Variants in PROX1 observed in about 807,000 individuals in gnomAD.
PROX1 encodes the protein prospero homeobox 1, also known as prospero homeobox protein 1.
In PROX1, 7 loss-of-function variants were observed where a neutral mutation model predicts 58.8. The observed-to-expected ratio is 0.12, with a 90% confidence interval of 0.07 to 0.22. The LOEUF (loss-of-function observed/expected upper bound fraction) is 0.22. Among genes scored for constraint, PROX1 ranks in the 10% least tolerant of loss-of-function variants. The pLI, the probability that PROX1 is intolerant of heterozygous loss-of-function variation, is 1.00. For synonymous variants in PROX1, 350 were observed against 358.3 expected (o/e 0.98, Z 0.26); for missense variants, 675 against 927.8 (o/e 0.73, Z 3.54).
chr1:214,009,725 T>C (rs1663842568), intron 3 of PROX1, among the ~76,000 whole-genome samples: 1 of 152,178 alleles, frequency 6.6e-6, no homozygotes, highest in African/African-American at 2.4e-5. Context: ...TTCGTGACCA[T>C]TCTAGAAAAA....
At chr1:214,032,510 T>C (rs951526216) in intron 4 of PROX1, among the ~76,000 whole-genome samples, 5 of 152,018 alleles carry the variant, frequency 3.3e-5, no homozygotes, top group African/African-American at 1.2e-4. Context: ...TCCTCTCACC[T>C]CCACCTCCCA....
chr1:214,020,725 A>G (rs1327814570), intron 4 of PROX1, among the ~76,000 whole-genome samples: 2 of 152,224 alleles, frequency 1.3e-5, no homozygotes, highest in African/African-American at 2.4e-5. Context: ...TAGTTTTTAA[A>G]TTCTCTAACT....
chr1:213,989,259 G>T (rs1314479415), intron 1 of PROX1, among the ~76,000 whole-genome samples: 1 of 151,878 alleles, frequency 6.6e-6, no homozygotes, highest in South Asian at 2.1e-4. Flanking sequence ...AAACGCGCGC[G>T]GCGCCCCTCT....
intron 1 of PROX1, among the ~76,000 whole-genome samples, chr1:213,992,860 A>T (rs1663086284): frequency 6.6e-6 from 1 of 152,172 alleles, no homozygotes. Context: ...ACCACTTTAT[A>T]CTTCACGCTG....
chr1:213,996,859 G>A lies in PROX1; in HGVS notation c.324G>A (p.Glu108=), dbSNP rs759202443. The change falls in exon 2 of 5, where the codon GAG becomes GAA. Residue 108 remains glutamate (E), a synonymous_variant. Transcript: ENST00000366958. The stretch of plus-strand genomic sequence containing the variant: ...ACATGAACAAAAATGGTGGCACGGA[G>A]CCCAGTTTCCAAGCCAGCGGTCTCT... ...KNNMNKNGGT[E]PSFQASGLSS... The A allele has an allele frequency of 1.2e-6, 2 of 1,613,986 alleles. No homozygotes were observed. Among genetic ancestry groups the A allele is most frequent in the East Asian group, 2.2e-5 (1 of 44,878 alleles).
intron 4 of PROX1, among the ~76,000 whole-genome samples, chr1:214,032,239 G>A (rs567307030): frequency 3.3e-5 from 5 of 152,188 alleles, no homozygotes; most frequent in African/African-American, 1.2e-4. Flanking sequence ...AGCCAGCATC[G>A]TTTAATGCAA....
At position 213,997,691 on chromosome 1, in the gene PROX1, C is replaced by T; in HGVS notation, c.1156C>T (p.Leu386Phe). Residue 386 changes from leucine to phenylalanine, a missense_variant, in exon 2 of 5, where the codon CTC becomes TTC. This residue lies in a region of PROX1 where 403 missense variants were observed against 477.4 expected (regional missense o/e 0.84). Transcript: ENST00000366958. The surrounding 1 kb of genome is among the most constrained non-coding windows in gnomAD (Gnocchi z 7.1). The part of the protein sequence containing the change: ...SRQVPQVFPP[L>F]QIPQARFAVN... The stretch of plus-strand genomic sequence containing the variant: ...CCAGGTTCCTCAGGTCTTCCCACCT[C>T]TCCAGATCCCCCAGGCCAGATTTGC... 1 of 1,614,158 alleles carries T rather than the reference C, an allele frequency of 6.2e-7. No homozygotes were observed. Among genetic ancestry groups the T allele is most frequent in the South Asian group, 1.1e-5 (1 of 91,078 alleles).
At position 214,008,450 on chromosome 1, in the gene PROX1, G is replaced by A. The variant is rs1663798399; in HGVS notation, c.1834-3071G>A. On this transcript the variant is annotated intron_variant, in intron 3 of 4. Coordinates refer to ENST00000366958, the MANE Select transcript of PROX1 (RefSeq NM_001270616.2). ...ACAAAAAAAACCAGGAGAAAAAAAT[G>A]TGAGCAGAAAATATCTTGTTTCCTG... Among the ~76,000 whole-genome samples the A allele has an allele frequency of 5.3e-5, 8 of 152,192 alleles. No individual in the cohort carries two copies. The South Asian group carries it at 1.7e-3, about 32-fold the overall frequency.
intron 4 of PROX1, among the ~76,000 whole-genome samples, chr1:214,016,435 C>A (rs1346325986): frequency 6.6e-6 from 1 of 152,150 alleles, no homozygotes; most frequent in Non-Finnish European, 1.5e-5. Context: ...TATGAGTGAT[C>A]GTTTAGAAAA....
Position 214,037,955 on chromosome 1 carries a change from CATA to C in PROX1, c.*2122_*2124del, listed in dbSNP as rs1664882632. On this transcript the variant is annotated 3_prime_UTR_variant, in exon 5 of 5. Coordinates refer to ENST00000366958, the MANE Select transcript of PROX1 (RefSeq NM_001270616.2). ...TGGGTTTTTGCTGTTCCGTGTAATT[CATA>C]TCAACTTTGTGTTGCCATTTGCAAG... 6.6e-6 allele frequency: 1 copy of C among 152,192 alleles called. No individual in the cohort carries two copies. Among genetic ancestry groups the C allele is most frequent in the Admixed American group, 6.5e-5 (1 of 15,276 alleles). The allele number at this position is 152,192 out of a possible 1,614,324, so 9.4% of individuals were successfully genotyped here.
At chr1:214,035,616 T>C in intron 4 of PROX1, 33 bp from the exon 5 acceptor site, 2 of 1,578,746 alleles carry the variant, frequency 1.3e-6, no homozygotes, top group Non-Finnish European at 1.7e-6. Context: ...AACTGAAAAC[T>C]TTATTAATGC....
chr1:214,013,957 A>T (rs971847925), intron 4 of PROX1, among the ~76,000 whole-genome samples: 1 of 152,042 alleles, frequency 6.6e-6, no homozygotes, highest in African/African-American at 2.4e-5. Flanking sequence ...TGCCCCCTCT[A>T]CTCACACACT....
rs1558170576 is a variant in PROX1, at chr1:213,997,758, G to GCCT, written c.1224_1226dup (p.Leu409dup). ...CACAATTTCCACACCGCCAACCAGC[G>GCCT]CCTGCAGTGCTTTGGCGACGTCATC... On this transcript the variant is annotated inframe_insertion, in exon 2 of 5. Transcript: ENST00000366958. This position sits in a 1 kb window ranked among gnomAD's most constrained non-coding sequence, Gnocchi z 7.1. 2 of 1,614,126 alleles carry GCCT rather than the reference G, an allele frequency of 1.2e-6. No individual in the cohort carries two copies. Among genetic ancestry groups the GCCT allele is most frequent in the Admixed American group, 1.7e-5 (1 of 60,018 alleles).
intron 4 of PROX1, among the ~76,000 whole-genome samples, chr1:214,015,288 G>A (rs986562792): frequency 3.9e-5 from 6 of 152,124 alleles, no homozygotes; most frequent in African/African-American, 1.4e-4. Flanking sequence ...CAGGAGAGGG[G>A]TGTGTAATTA....
chr1:214,013,833 C>T (rs903231760), intron 4 of PROX1, among the ~76,000 whole-genome samples: 1 of 152,136 alleles, frequency 6.6e-6, no homozygotes, highest in African/African-American at 2.4e-5. Flanking sequence ...GTATGGGGCC[C>T]GGGCAGGAAT....
At chr1:214,007,665 C>T (rs1663763154) in intron 3 of PROX1, among the ~76,000 whole-genome samples, 2 of 152,190 alleles carry the variant, frequency 1.3e-5, no homozygotes, top group Admixed American at 6.5e-5. Flanking sequence ...TATACACACA[C>T]ATATGTGCAT....
intron 2 of PROX1, among the ~76,000 whole-genome samples, chr1:214,003,771 C>G (rs1305858271): frequency 1.3e-5 from 2 of 152,190 alleles, no homozygotes; most frequent in Non-Finnish European, 2.9e-5. Context: ...TGGTTAAACA[C>G]CCTGTTATAA....
At chr1:214,021,266 T>C (rs1008976138) in intron 4 of PROX1, among the ~76,000 whole-genome samples, 4 of 152,266 alleles carry the variant, frequency 2.6e-5, no homozygotes, top group African/African-American at 7.2e-5. Flanking sequence ...CTCCTTAAGA[T>C]AATAATTCTC....
At chr1:214,012,195 C>T (rs1663933641) in intron 4 of PROX1, among the ~76,000 whole-genome samples, 1 of 151,978 alleles carries the variant, frequency 6.6e-6, no homozygotes, top group Non-Finnish European at 1.5e-5. Context: ...ACATTTAGTC[C>T]CTTTGTGGAG....
Sources: gnomAD v4.1 joint callset for allele counts (sites outside exome capture counted in the v4.1 genomes callset) on GRCh38, gnomAD v4.1.1 for gene constraint, gnomAD v4.1.1 regional missense constraint, Gnocchi (gnomAD v3.1) non-coding constraint, MANE v1.5 for transcripts, NCBI Gene and HGNC (gene_info 2026-07-23, HGNC 2026-07-21) for gene names.